GLDC: variants seen among roughly 807,000 people sequenced by gnomAD.
The protein encoded by GLDC is glycine decarboxylase.
Under a neutral mutation model 121.3 loss-of-function variants are expected in GLDC, and 104 were observed. The observed-to-expected ratio is 0.86, with a 90% CI of 0.73 to 1.01. The LOEUF (loss-of-function observed/expected upper bound fraction) is 1.01. GLDC is among the 50% of genes least tolerant of loss of function. The pLI is 0.00. For synonymous variants in GLDC, 546 were observed against 480.6 expected (o/e 1.14, Z -1.78); for missense variants, 1,429 against 1,306.6 (o/e 1.09, Z -1.44).
chr9:6,619,346 A>G (rs1224922810), intron 3 of GLDC, among the ~76,000 whole-genome samples: 1 of 151,948 alleles, frequency 6.6e-6, no homozygotes, highest in East Asian at 1.9e-4. Flanking sequence ...ATGATCTCCA[A>G]CACCATGTCT....
chr9:6,625,280 T>A (rs1563867838), intron 2 of GLDC, among the ~76,000 whole-genome samples: 2 of 151,954 alleles, frequency 1.3e-5, no homozygotes, highest in Non-Finnish European at 2.9e-5. Flanking sequence ...GCTCTCTCAC[T>A]CACACGGCCT....
intron 20 of GLDC, among the ~76,000 whole-genome samples, chr9:6,552,327 T>A (rs1036262878): frequency 3.3e-5 from 5 of 152,106 alleles, no homozygotes; most frequent in African/African-American, 1.2e-4. Flanking sequence ...TGGGAAGTCA[T>A]CTCCAACCCA....
intron 2 of GLDC, among the ~76,000 whole-genome samples, chr9:6,626,351 G>T (rs35876829): frequency 0.23 from 34,693 of 151,972 alleles, 3,909 homozygotes; most frequent in South Asian, 0.3. Context: ...GTCAAGAAGC[G>T]CAATTGACTA....
At chr9:6,598,467 C>T (rs1295873653) in intron 8 of GLDC, among the ~76,000 whole-genome samples, 3 of 152,234 alleles carry the variant, frequency 2.0e-5, no homozygotes, top group South Asian at 2.1e-4. Context: ...ATCCACGATG[C>T]GAAACTAAGA....
At position 6,588,611 on chromosome 9, in the gene GLDC, T is replaced by C; in HGVS notation, c.1665+7A>G. ...TGGAAATGAGAAAAAAGGCCACAAA[T>C]AACTACCAGTGGAATCATGCTGTGA... On this transcript the variant is annotated splice_region_variant and intron_variant, in intron 13 of 24. Coordinates refer to ENST00000321612, the MANE Select transcript of GLDC (RefSeq NM_000170.3). The C allele has an allele frequency of 6.3e-7, 1 of 1,598,734 alleles. No individual in the cohort carries two copies. Among genetic ancestry groups the C allele is most frequent in the East Asian group, 2.2e-5 (1 of 44,824 alleles).
chr9:6,564,576 C>A (rs1474734280), intron 16 of GLDC, among the ~76,000 whole-genome samples: 2 of 152,212 alleles, frequency 1.3e-5, no homozygotes, highest in Non-Finnish European at 2.9e-5. Flanking sequence ...CTGCTCTCGG[C>A]TCCTAGGCGA....
At chr9:6,622,416 AT>A (rs1409861190) in intron 2 of GLDC, among the ~76,000 whole-genome samples, 2 of 148,648 alleles carry the variant, frequency 1.3e-5, no homozygotes, top group Admixed American at 6.7e-5. Flanking sequence ...TGGTTTTCGT[AT>A]TTTTTTGGTG....
intron 2 of GLDC, among the ~76,000 whole-genome samples, chr9:6,634,120 G>A (rs1276324988): frequency 2.0e-5 from 3 of 152,094 alleles, no homozygotes; most frequent in African/African-American, 4.8e-5. Context: ...GTGAGCCACC[G>A]CGCCCGGCAG....
At chr9:6,613,139 A>C (rs908794308) in intron 3 of GLDC, among the ~76,000 whole-genome samples, 1 of 152,152 alleles carries the variant, frequency 6.6e-6, no homozygotes, top group African/African-American at 2.4e-5. Flanking sequence ...TTCATTAACC[A>C]TCTCTTATGG....
chr9:6,570,154 T>C (rs1025674049), intron 15 of GLDC, among the ~76,000 whole-genome samples: 1 of 152,202 alleles, frequency 6.6e-6, no homozygotes, highest in Admixed American at 6.5e-5. Flanking sequence ...AAAGTAATAA[T>C]TTATGGTGAA....
chr9:6,615,567 C>T (rs1321138601), intron 3 of GLDC, among the ~76,000 whole-genome samples: 2 of 148,014 alleles, frequency 1.4e-5, no homozygotes, highest in Non-Finnish European at 1.5e-5. Flanking sequence ...AGGTGACAGA[C>T]GGAGACCTTG....
At position 6,589,279 on chromosome 9, in the gene GLDC, T is replaced by G; in HGVS notation, c.1496A>C (p.Glu499Ala). ...GCESSAELVAESMGEECRGIP... is the reference protein window; with the variant it reads ...GCESSAELVAASMGEECRGIP... ...ACCTCTGCACTCCTCTCCCATGCTTTCAGCAACCAGTTCCTGAAGGAGAAA... is the reference window on the plus strand; with the variant it reads ...ACCTCTGCACTCCTCTCCCATGCTTGCAGCAACCAGTTCCTGAAGGAGAAA... Residue 499 changes from glutamate (E) to alanine (A), a missense_variant, in exon 12 of 25, where the codon GAA (glutamate) becomes GCA (alanine). Transcript: ENST00000321612. The G allele has an allele frequency of 6.2e-7, 1 of 1,605,616 alleles. No individual in the cohort carries two copies. Among genetic ancestry groups the G allele is most frequent in the Non-Finnish European group, 8.5e-7 (1 of 1,172,184 alleles).
intron 22 of GLDC, among the ~76,000 whole-genome samples, chr9:6,536,932 C>T (rs1255489640): frequency 6.6e-6 from 1 of 151,682 alleles, no homozygotes; most frequent in African/African-American, 2.4e-5. Context: ...AAGGTTTTCA[C>T]ATGTAAGGTA....
intron 15 of GLDC, among the ~76,000 whole-genome samples, chr9:6,586,519 G>A (rs1056547933): frequency 6.6e-6 from 1 of 152,200 alleles, no homozygotes; most frequent in Non-Finnish European, 1.5e-5. Context: ...TTCAAAGTTA[G>A]TGACATTACC....
intron 2 of GLDC, among the ~76,000 whole-genome samples, chr9:6,634,433 G>A (rs560375046): frequency 1.3e-5 from 2 of 152,116 alleles, no homozygotes; most frequent in South Asian, 4.2e-4. Flanking sequence ...GGAGGCTGAG[G>A]AGGGAGGATC....
intron 5 of GLDC, 85 bp from the exon 6 acceptor site, chr9:6,605,363 T>C: frequency 6.9e-7 from 1 of 1,443,934 alleles, no homozygotes; most frequent in Non-Finnish European, 9.6e-7. Context: ...TAAGACAGCA[T>C]TCATTTTCTG....
rs763944767 is a variant in GLDC at position 6,556,216 on chromosome 9, C to T, written c.2139G>A (p.Val713=). The T allele has an allele frequency of 6.2e-7, 1 of 1,612,522 alleles. No individual in the cohort carries two copies. Among genetic ancestry groups the T allele is most frequent in the Non-Finnish European group, 8.5e-7 (1 of 1,178,648 alleles). Residue 713 remains valine (V), a synonymous_variant, in exon 18 of 25, where the codon GTG becomes GTA. Coordinates refer to ENST00000321612, the MANE Select transcript of GLDC (RefSeq NM_000170.3). ...CTCCATGTTGATGGATGAGGTCACA[C>T]ACGTCACTGATGTTCTCTTCAAACA... The part of the protein sequence containing the change: ...NGVFEENISD[V]CDLIHQHGGQ...
intron 3 of GLDC, among the ~76,000 whole-genome samples, chr9:6,612,303 A>G (rs1271831486): frequency 6.6e-6 from 1 of 151,690 alleles, no homozygotes; most frequent in African/African-American, 2.4e-5. Flanking sequence ...ACCCCAATAC[A>G]AGTCTCAGGA....
Position 6,592,886 on chromosome 9 carries a change from G to A in GLDC, c.1366C>T (p.Arg456Trp), listed in dbSNP as rs773119895. ...VKEVLGRAAQRQINFRLFEDG... is the reference protein window; with the variant it reads ...VKEVLGRAAQWQINFRLFEDG... Reference sequence around the variant, plus strand: ...TCAAAAAGCCGAAAATTGATCTGCCGCTGAGCGGCCCTGCCCAAGACCTCC... The same window carrying A: ...TCAAAAAGCCGAAAATTGATCTGCCACTGAGCGGCCCTGCCCAAGACCTCC... The change falls in exon 10 of 25, where the codon CGG (arginine) becomes TGG (tryptophan). Residue 456 changes from arginine (R) to tryptophan (W), a missense_variant. By Grantham distance (101) the Arg-to-Trp change is moderately radical. Transcript: ENST00000321612. The A allele has an allele frequency of 4.3e-6, 7 of 1,613,840 alleles. No homozygotes were observed. Among genetic ancestry groups the A allele is most frequent in the Admixed American group, 1.7e-5 (1 of 60,012 alleles).
Sources: allele counts gnomAD v4.1 joint callset (sites outside exome capture counted in the v4.1 genomes callset), GRCh38; gene constraint gnomAD v4.1.1; transcripts MANE v1.5; gene names NCBI Gene and HGNC (gene_info 2026-07-23, HGNC 2026-07-21).